FER1L5: variants seen among roughly 807,000 people sequenced by gnomAD.
FER1L5 encodes fer-1 like family member 5.
Under a neutral mutation model 279.9 loss-of-function variants are expected in FER1L5, and 187 were observed. The ratio of observed to expected loss-of-function variants is 0.67; its 90% CI spans 0.59 to 0.75. The LOEUF is 0.75. Among genes scored for constraint, FER1L5 ranks in the 30% least tolerant of loss-of-function variants. The probability of loss-of-function intolerance (pLI) is 0.00; values close to 1 mark genes in which losing one functional copy is unlikely to be tolerated. For synonymous variants in FER1L5, 921 were observed against 989.7 expected, an observed-to-expected ratio of 0.93 and a Z score of 1.30; for missense variants, 2,091 against 2,594.4, an observed-to-expected ratio of 0.81 and a Z score of 4.21.
At chr2:96,659,627 G>A (rs11677722) in intron 9 of FER1L5, among the ~76,000 whole-genome samples, 35,645 of 149,140 alleles carry the variant, frequency 0.24, 5,749 homozygotes, top group South Asian at 0.66. Context: ...TAGTAGCTGA[G>A]ACTACAGGGG....
intron 13 of FER1L5, among the ~76,000 whole-genome samples, chr2:96,663,237 T>G (rs574369142): frequency 6.6e-6 from 1 of 152,356 alleles, no homozygotes; most frequent in Admixed American, 6.5e-5. Context: ...AATCTGAATC[T>G]GGCAAACACC....
At chr2:96,659,396 T>TCTTTCTTTC (rs2075804339) in intron 9 of FER1L5, among the ~76,000 whole-genome samples, 1 of 7,236 alleles carries the variant, frequency 1.4e-4, no homozygotes, top group East Asian at 7.2e-3. Flanking sequence ...TTTCTTTCTT[T>TCTTTCTTTC]CTTTCTTTCT....
At chr2:96,651,840 TC>T (rs2075394161) in intron 6 of FER1L5, 51 bp from the exon 7 acceptor site, 1 of 1,550,844 alleles carries the variant, frequency 6.4e-7, no homozygotes, top group Admixed American at 2.0e-5. Flanking sequence ...AACAATGTTG[TC>T]CCAGCTACAG....
intron 36 of FER1L5, 39 bp from the exon 37 acceptor site, chr2:96,696,013 C>G (rs1251752057): frequency 6.2e-7 from 1 of 1,613,372 alleles, no homozygotes; most frequent in Non-Finnish European, 8.5e-7. Flanking sequence ...TCAGCCCTCT[C>G]CCCATCCTGA....
intron 38 of FER1L5, 23 bp from the exon 39 acceptor site, chr2:96,697,637 A>G (rs2153303675): frequency 6.2e-7 from 1 of 1,613,970 alleles, no homozygotes; most frequent in South Asian, 1.1e-5. Context: ...GCCCGAGGCC[A>G]GAATGATCCT....
chr2:96,659,389 CTTT>C (rs2075801181), intron 9 of FER1L5, among the ~76,000 whole-genome samples: 4 of 9,276 alleles, frequency 4.3e-4, no homozygotes, highest in Admixed American at 1.6e-3. Flanking sequence ...TTCTTTCTTT[CTTT>C]CTTTCTTTCT....
At position 96,685,951 on chromosome 2, in the gene FER1L5, C is replaced by T; in HGVS notation, c.1907C>T (p.Pro636Leu). ...TGTCCTGGCCACAGGCGCCCTCTGC[C>T]CTGCATGACCTATCAGCCCAAAGCC... is the stretch of plus-strand genomic sequence containing the variant. ...ELAEDCKRPL[P>L]CMTYQPKATS... Residue 636 changes from proline to leucine, a missense_variant, in exon 22 of 53, where the codon CCC becomes CTC. Transcript: ENST00000624922. 2 of 1,543,032 alleles carry T rather than the reference C, an allele frequency of 1.3e-6. No homozygotes were observed. The highest frequency in any genetic ancestry group is 2.0e-5 in the Admixed American group (1 of 50,010).
chr2:96,689,682 T>C lies in FER1L5; in HGVS notation c.2564T>C (p.Leu855Pro), dbSNP rs529879923. ...ATAGACATCAACAAGAGCCAGGTGC[T>C]GGAGGAGGTATATGAGAACCAGGGC... ...LDIDINKSQV[L>P]EEVYENQGRD... Residue 855 changes from leucine (L) to proline (P), a missense_variant, in exon 26 of 53, where the codon CTG becomes CCG. Physicochemically the swap from Leu to Pro is moderately conservative, Grantham distance 98 (BLOSUM62 -3). Coordinates refer to ENST00000624922, the MANE Select transcript of FER1L5 (RefSeq NM_001293083.2). This position sits in a 1 kb window ranked among gnomAD's most constrained non-coding sequence, Gnocchi z 4.6. The C allele has an allele frequency of 3.2e-6, 5 of 1,551,056 alleles. No homozygotes were observed. The highest frequency in any genetic ancestry group is 4.9e-5 in the East Asian group (2 of 40,870).
chr2:96,673,382 A>T (rs2076398743), intron 19 of FER1L5, 128 bp downstream of exon 19: 2 of 1,101,400 alleles, frequency 1.8e-6, no homozygotes, highest in Middle Eastern at 2.3e-4. Flanking sequence ...CACACATGAA[A>T]AAATGAGGTT....
Position 96,702,154 on chromosome 2 carries a change from G to C in FER1L5, c.5159+111G>C. On this transcript the variant is annotated intron_variant, in intron 46 of 52. Transcript: ENST00000624922. This position sits in a 1 kb window ranked among gnomAD's most constrained non-coding sequence, Gnocchi z 4.0. ...CTGCAGTAATTCGTTTCTCTATTGG[G>C]AAGAGAGGAAGCTCTACTGGGAGCT... is the stretch of plus-strand genomic sequence containing the variant. The C allele has an allele frequency of 6.4e-7, 1 of 1,569,018 alleles. No individual in the cohort carries two copies. Among genetic ancestry groups the C allele is most frequent in the Non-Finnish European group, 8.7e-7 (1 of 1,153,352 alleles).
In FER1L5 at chr2:96,694,063, C is replaced by T; in HGVS notation, c.3627C>T (p.Leu1209=). 1.3e-6 allele frequency: 2 copies of T among 1,541,928 alleles called. No individual in the cohort carries two copies. The highest frequency in any genetic ancestry group is 1.7e-6 in the Non-Finnish European group (2 of 1,146,728). ...GEILASCELI[L]QTEKLGEKQL... Reference sequence around the variant, plus strand: ...TCTTGGCATCCTGTGAGCTGATCCTCCAGACTGAGGTATTGGGAGAGAGGG... The same window carrying T: ...TCTTGGCATCCTGTGAGCTGATCCTTCAGACTGAGGTATTGGGAGAGAGGG... The change falls in exon 33 of 53, where the codon CTC becomes CTT. Residue 1209 remains leucine, a synonymous_variant. Transcript: ENST00000624922. The surrounding 1 kb of genome is among the most constrained non-coding windows in gnomAD (Gnocchi z 4.6).
chr2:96,693,838 T>A, intron 32 of FER1L5, 73 bp from the exon 33 acceptor site: 1 of 1,483,382 alleles, frequency 6.7e-7, no homozygotes, highest in South Asian at 1.4e-5. Context: ...CTGTTGCCCT[T>A]GCCTTGAGAA....
At chr2:96,687,634 C>A in intron 23 of FER1L5, 182 bp from the exon 24 acceptor site, 1 of 930,142 alleles carries the variant, frequency 1.1e-6, no homozygotes, top group African/African-American at 1.7e-5. Context: ...GTGGAGCCAC[C>A]CCACTCTGGA....
intron 51 of FER1L5, 33 bp from the exon 52 acceptor site, chr2:96,704,182 C>A (rs1193616317): frequency 6.2e-7 from 1 of 1,608,476 alleles, no homozygotes; most frequent in Non-Finnish European, 8.5e-7. Flanking sequence ...GTTCTCCCTG[C>A]CATTCTCTGA....
chr2:96,647,856 C>A lies in FER1L5; in HGVS notation c.309C>A (p.Thr103=). The change falls in exon 4 of 53, where the codon ACC becomes ACA. Residue 103 remains threonine, a synonymous_variant. Transcript: ENST00000624922. ...PSEVLFVKDL[T]LLNHSMKPTD... is the part of the protein sequence containing the mutation. ...AGGTCCTTTTTGTGAAGGACTTGAC[C>A]CTGCTCAACCATTCCATGAAGCCCA... The A allele has an allele frequency of 6.4e-7, 1 of 1,551,786 alleles. No homozygotes were observed. The highest frequency in any genetic ancestry group is 1.2e-5 in the South Asian group (1 of 84,062).
At chr2:96,646,984 C>G in intron 2 of FER1L5, 80 bp from the exon 3 acceptor site, 5 of 1,417,186 alleles carry the variant, frequency 3.5e-6, no homozygotes, top group Non-Finnish European at 4.8e-6. Context: ...CAGCCCGTTC[C>G]CCACGTCTTT....
chr2:96,703,104 C>A, intron 49 of FER1L5, 27 bp downstream of exon 49: 1 of 1,613,652 alleles, frequency 6.2e-7, no homozygotes, highest in Non-Finnish European at 8.5e-7. Flanking sequence ...GGGCTTGTGA[C>A]CACAGGACAG....
chr2:96,672,660 ATG>A (rs140636948), intron 18 of FER1L5, among the ~76,000 whole-genome samples: 130 of 147,898 alleles, frequency 8.8e-4, no homozygotes, highest in East Asian at 2.4e-3. Context: ...GGGAGTATGA[ATG>A]TGTGTGTGTG....
In FER1L5 at chr2:96,686,331, TACAG is replaced by T. The variant is rs1438966712; in HGVS notation, c.2214_2217del (p.Gln738HisfsTer82). The T allele has an allele frequency of 6.4e-7, 1 of 1,551,166 alleles. No individual in the cohort carries two copies. Among genetic ancestry groups the T allele is most frequent in the African/African-American group, 1.4e-5 (1 of 73,060 alleles). ...CACTCCGGCAGGCTCTGTGGGAAGA[TACAG>T]ACACTCTTCCTACAGGTGGGAATCA... On this transcript the variant is annotated frameshift_variant, in exon 23 of 53. Coordinates refer to ENST00000624922, the MANE Select transcript of FER1L5 (RefSeq NM_001293083.2). LOFTEE classifies it high-confidence loss of function.
Sources: gnomAD v4.1 joint callset for allele counts (sites outside exome capture counted in the v4.1 genomes callset) on GRCh38, gnomAD v4.1.1 for gene constraint, Gnocchi (gnomAD v3.1) non-coding constraint, MANE v1.5 for transcripts, NCBI Gene and HGNC (gene_info 2026-07-23, HGNC 2026-07-21) for gene names.